The following TPP2 variants were observed in gnomAD, a reference collection of about 807,000 sequenced individuals.
TPP2 encodes tripeptidyl-peptidase 2.
Under a neutral mutation model 155.9 loss-of-function variants are expected in TPP2, and 34 were observed. The observed-to-expected ratio is 0.22, with a 90% CI of 0.17 to 0.29. The LOEUF (loss-of-function observed/expected upper bound fraction) is 0.29, where lower values mean the gene tolerates loss of function less well. TPP2 is among the 10% of genes least tolerant of loss of function. The pLI, the probability that TPP2 is intolerant of heterozygous loss-of-function variation, is 1.00. For missense variants in TPP2, 1,028 were observed against 1,522.3 expected (o/e 0.68, Z 5.40); for synonymous variants, 510 against 529.4 (o/e 0.96, Z 0.50).
At chr13:102,605,177 G>A (rs1246606495) in intron 2 of TPP2, among the ~76,000 whole-genome samples, 1 of 152,064 alleles carries the variant, frequency 6.6e-6, no homozygotes, top group Non-Finnish European at 1.5e-5. Flanking sequence ...GACTTCAGCT[G>A]AAGGCTCAGC....
chr13:102,658,705 C>A, intron 25 of TPP2, among the ~76,000 whole-genome samples: 1 of 152,218 alleles, frequency 6.6e-6, no homozygotes, highest in Non-Finnish European at 1.5e-5. Flanking sequence ...TTTCCTCTCC[C>A]AGTTAATGAG....
At chr13:102,627,251 C>G in intron 7 of TPP2, 85 bp downstream of exon 7, 4 of 1,346,300 alleles carry the variant, frequency 3.0e-6, no homozygotes, top group South Asian at 2.0e-5. Flanking sequence ...CCTAGTTTAC[C>G]AAGAATACAT....
intron 27 of TPP2, among the ~76,000 whole-genome samples, chr13:102,674,008 G>A (rs890355669): frequency 1.3e-5 from 2 of 152,130 alleles, no homozygotes; most frequent in Non-Finnish European, 2.9e-5. Context: ...TTAGAATAGT[G>A]ATTAACCTTT....
At chr13:102,669,532 A>G (rs1433323613) in intron 27 of TPP2, among the ~76,000 whole-genome samples, 1 of 152,198 alleles carries the variant, frequency 6.6e-6, no homozygotes, top group Non-Finnish European at 1.5e-5. Context: ...CAACGGATGC[A>G]TGTACATATC....
In TPP2 at chr13:102,649,145, A is replaced by G. The variant is rs1199400384; in HGVS notation, c.2867A>G (p.Asp956Gly). 1.9e-6 allele frequency: 3 copies of G among 1,603,278 alleles called. No individual in the cohort carries two copies. The highest frequency in any genetic ancestry group is 2.6e-6 in the Non-Finnish European group (3 of 1,175,184). ...CCATTCTTTGTTACTTCCTTACCTG[A>G]TGATAAGTAAGTGATAACATTGCTT... ...NQPFFVTSLP[D>G]DKIPKGAGPG... The change falls in exon 22 of 30, where the codon GAT becomes GGT. Residue 956 changes from aspartate (D) to glycine (G), a missense_variant. Transcript: ENST00000376052.
At chr13:102,646,963 A>G (rs1883147701) in intron 20 of TPP2, among the ~76,000 whole-genome samples, 1 of 152,228 alleles carries the variant, frequency 6.6e-6, no homozygotes, top group Admixed American at 6.5e-5. Flanking sequence ...GAGGTCCTGA[A>G]GTATGTATAT....
intron 27 of TPP2, among the ~76,000 whole-genome samples, chr13:102,670,274 T>G (rs662520): frequency 0.66 from 100,858 of 151,912 alleles, 33,692 homozygotes; most frequent in Middle Eastern, 0.7. Context: ...TATATGGCCT[T>G]TGTAATCAGA....
chr13:102,661,318 A>G (rs1595206463), intron 25 of TPP2, among the ~76,000 whole-genome samples: 2 of 144,676 alleles, frequency 1.4e-5, no homozygotes, highest in South Asian at 4.3e-4. Context: ...TGGCACGATC[A>G]TAGCTCACTG....
intron 13 of TPP2, 50 bp downstream of exon 13, chr13:102,636,442 A>G: frequency 6.4e-7 from 1 of 1,565,772 alleles, no homozygotes; most frequent in Non-Finnish European, 8.6e-7. Flanking sequence ...TGCTGTTTGA[A>G]TGAGTGGTAT....
chr13:102,612,324 G>C lies in TPP2; in HGVS notation c.295-1777G>C, dbSNP rs187936336. Among the ~76,000 whole-genome samples the C allele has an allele frequency of 1.3e-4, 20 of 152,246 alleles. No homozygotes were observed. The East Asian group carries it at 2.9e-3, about 22-fold the overall frequency. ...CTAACACTCAGATGACACTTAGCCC[G>C]TTAAGAAAAATGTTTGATTTGTTAG... On this transcript the variant is annotated intron_variant, in intron 2 of 29. Coordinates refer to ENST00000376052, the MANE Select transcript of TPP2 (RefSeq NM_001330588.2).
chr13:102,607,199 A>T (rs1400893209), intron 2 of TPP2, among the ~76,000 whole-genome samples: 1 of 152,196 alleles, frequency 6.6e-6, no homozygotes, highest in Admixed American at 6.5e-5. Context: ...CATCCAGTTT[A>T]CGGTGCGGGT....
chr13:102,673,449 A>G (rs1052022041), intron 27 of TPP2, among the ~76,000 whole-genome samples: 2 of 152,216 alleles, frequency 1.3e-5, no homozygotes, highest in Non-Finnish European at 2.9e-5. Flanking sequence ...GAATGCCTCA[A>G]ATAAGCACAC....
chr13:102,597,331 A>G (rs917811343), intron 1 of TPP2, 128 bp downstream of exon 1: 3 of 509,752 alleles, frequency 5.9e-6, no homozygotes, highest in Non-Finnish European at 6.1e-6. Flanking sequence ...GGTGGGCAGC[A>G]CCGGGGTGGG....
At chr13:102,630,253 G>A (rs1881929222) in intron 10 of TPP2, 58 bp downstream of exon 10, 1 of 1,260,036 alleles carries the variant, frequency 7.9e-7, no homozygotes, top group African/African-American at 1.5e-5. Context: ...TTACACTGTT[G>A]AGAAGGGCAG....
chr13:102,668,940 T>C (rs888697676), intron 27 of TPP2, among the ~76,000 whole-genome samples: 1 of 152,138 alleles, frequency 6.6e-6, no homozygotes, highest in Admixed American at 6.5e-5. Context: ...ACAGGGTCAT[T>C]TTCTTCATTT....
At chr13:102,632,358 C>G (rs1882075527) in intron 10 of TPP2, among the ~76,000 whole-genome samples, 1 of 151,882 alleles carries the variant, frequency 6.6e-6, no homozygotes. Context: ...AATTCTGCCT[C>G]AGCCTCCCAA....
intron 3 of TPP2, among the ~76,000 whole-genome samples, chr13:102,614,625 CAGTT>C (rs1309434062): frequency 6.6e-6 from 1 of 151,524 alleles, no homozygotes; most frequent in Non-Finnish European, 1.5e-5. Context: ...TTCTTGCTCC[CAGTT>C]AGTCATCATT....
intron 2 of TPP2, chr13:102,607,665 C>T (rs1340662154): frequency 2.9e-5 from 13 of 448,490 alleles, no homozygotes; most frequent in African/African-American, 4.0e-5. Flanking sequence ...CGGCTCACCT[C>T]GACCTCTGCT....
Position 102,638,242 on chromosome 13 carries a change from T to C in TPP2, c.1840T>C (p.Cys614Arg). 1 of 1,612,230 alleles carries C rather than the reference T, an allele frequency of 6.2e-7. No individual in the cohort carries two copies. Among genetic ancestry groups the C allele is most frequent in the South Asian group, 1.1e-5 (1 of 91,066 alleles). ...LREGLHYTEV[C>R]GYDIASPNAG... is the part of the protein sequence containing the mutation. ...ACTTACCGATTCTTTTTTCAAGGTA[T>C]GTGGCTATGATATAGCATCCCCTAA... is the stretch of plus-strand genomic sequence containing the variant. Residue 614 changes from cysteine to arginine, a missense_variant, in exon 15 of 30, where the codon TGT becomes CGT. Transcript: ENST00000376052.
Sources: gnomAD v4.1 joint callset for allele counts (sites outside exome capture counted in the v4.1 genomes callset) on GRCh38, gnomAD v4.1.1 for gene constraint, MANE v1.5 for transcripts, NCBI Gene and HGNC (gene_info 2026-07-23, HGNC 2026-07-21) for gene names.